The following CORIN variants were observed in gnomAD, a reference collection of about 807,000 sequenced individuals.
CORIN encodes corin, serine peptidase.
In CORIN, 117 loss-of-function variants were observed where a neutral mutation model predicts 125.3. The ratio of observed to expected loss-of-function variants is 0.93; its 90% CI spans 0.80 to 1.09. CORIN has a LOEUF of 1.09. Among genes scored for constraint, CORIN ranks in the 50% least tolerant of loss-of-function variants. The pLI, the probability that CORIN is intolerant of heterozygous loss-of-function variation, is 0.00. For synonymous variants in CORIN, 450 were observed against 466.4 expected (o/e 0.96, Z 0.45); for missense variants, 1,253 against 1,306.7 (o/e 0.96, Z 0.63).
intron 15 of CORIN, chr4:47,642,734 C>A: frequency 2.4e-6 from 2 of 832,116 alleles, no homozygotes; most frequent in Non-Finnish European, 3.6e-6. Flanking sequence ...AGGAGCTAGA[C>A]AGTTAGAAGT....
rs570661032 is a variant in CORIN, at chr4:47,729,856, GAA to G, written c.799+14544_799+14545del. 8.5e-4 allele frequency among the ~76,000 whole-genome samples: 130 copies of G among 152,306 alleles called. 4 individuals carry two copies. In the South Asian group the frequency reaches 0.025, roughly 30 times the overall value. On this transcript the variant is annotated intron_variant, in intron 5 of 21. Coordinates refer to ENST00000273857, the MANE Select transcript of CORIN (RefSeq NM_006587.4). The stretch of plus-strand genomic sequence containing the variant: ...AGTGAAAACGGAATAACTTGGCAGA[GAA>G]AGAGAGAAGAGAGAGGTTCGGCCAC...
chr4:47,706,639 A>G (rs1726573486), intron 5 of CORIN: 5 of 1,607,744 alleles, frequency 3.1e-6, no homozygotes, highest in Non-Finnish European at 4.3e-6. Context: ...TCATGGTGTT[A>G]ACCAGCTAAA....
intron 19 of CORIN, among the ~76,000 whole-genome samples, chr4:47,609,587 A>AT (rs33915844): frequency 0.043 from 6,427 of 150,898 alleles, 194 homozygotes; most frequent in Middle Eastern, 0.12. Context: ...AGGTAAACGG[A>AT]TTTTTTTTTT....
chr4:47,648,988 C>A (rs1176195406), intron 13 of CORIN, among the ~76,000 whole-genome samples: 1 of 152,220 alleles, frequency 6.6e-6, no homozygotes, highest in Non-Finnish European at 1.5e-5. Context: ...AGGGCTCTGC[C>A]TCTGCACCTG....
chr4:47,805,158 A>G (rs1157010327), intron 2 of CORIN, among the ~76,000 whole-genome samples: 1 of 149,052 alleles, frequency 6.7e-6, no homozygotes, highest in African/African-American at 2.5e-5. Flanking sequence ...AAATAATAAT[A>G]ATAATAATAA....
chr4:47,597,636 A>C (rs949097889), intron 21 of CORIN, among the ~76,000 whole-genome samples: 11 of 152,172 alleles, frequency 7.2e-5, no homozygotes, highest in African/African-American at 2.4e-4. Context: ...TTTCATATGC[A>C]TAGGGTATTT....
chr4:47,681,051 C>T (rs1399217812), intron 7 of CORIN: 1 of 152,188 alleles, frequency 6.6e-6, no homozygotes, highest in Non-Finnish European at 1.5e-5. Flanking sequence ...TTCGCTCTCA[C>T]AAAGGGCAGA....
intron 4 of CORIN, among the ~76,000 whole-genome samples, chr4:47,756,774 G>A (rs1244116043): frequency 6.6e-6 from 1 of 152,124 alleles, no homozygotes; most frequent in Non-Finnish European, 1.5e-5. Flanking sequence ...CTCACTTCAG[G>A]AGCATGGAAT....
intron 20 of CORIN, among the ~76,000 whole-genome samples, chr4:47,601,277 TAC>T (rs1721437822): frequency 6.6e-6 from 1 of 152,124 alleles, no homozygotes; most frequent in Non-Finnish European, 1.5e-5. Context: ...TTGAAAGTTA[TAC>T]AGTCAGATCA....
chr4:47,658,765 T>C (rs1331802758), intron 12 of CORIN, among the ~76,000 whole-genome samples: 1 of 152,238 alleles, frequency 6.6e-6, no homozygotes, highest in African/African-American at 2.4e-5. Flanking sequence ...CCCTTTTGGT[T>C]ATACAAATTT....
intron 6 of CORIN, among the ~76,000 whole-genome samples, chr4:47,688,007 C>T (rs1725594710): frequency 6.6e-6 from 1 of 152,144 alleles, no homozygotes; most frequent in Admixed American, 6.5e-5. Flanking sequence ...CTGGCCTCTA[C>T]CCACTAGATG....
At chr4:47,609,694 A>C (rs1721800602) in intron 19 of CORIN, among the ~76,000 whole-genome samples, 1 of 152,090 alleles carries the variant, frequency 6.6e-6, no homozygotes, top group African/African-American at 2.4e-5. Flanking sequence ...GCACAGATCA[A>C]CCCATCACCT....
intron 1 of CORIN, among the ~76,000 whole-genome samples, chr4:47,814,745 C>T (rs1306159066): frequency 6.6e-6 from 1 of 152,136 alleles, no homozygotes; most frequent in Non-Finnish European, 1.5e-5. Flanking sequence ...ATCCCATTTT[C>T]TGGCATGTAG....
chr4:47,637,178 G>A, intron 16 of CORIN, among the ~76,000 whole-genome samples: 1 of 152,164 alleles, frequency 6.6e-6, no homozygotes, highest in Non-Finnish European at 1.5e-5. Context: ...AGATGATTTA[G>A]GATATCTGGT....
intron 1 of CORIN, among the ~76,000 whole-genome samples, chr4:47,818,251 A>T (rs1200863528): frequency 6.6e-6 from 1 of 152,212 alleles, no homozygotes; most frequent in Non-Finnish European, 1.5e-5. Context: ...TTGAGTTTTG[A>T]GCAGGTAGGC....
At chr4:47,628,310 T>C (rs891570902) in intron 16 of CORIN, among the ~76,000 whole-genome samples, 6 of 152,156 alleles carry the variant, frequency 3.9e-5, no homozygotes, top group Non-Finnish European at 8.8e-5. Context: ...TCCAGCTTTA[T>C]TGAGGCATTC....
At chr4:47,696,437 C>T (rs1726009528) in intron 5 of CORIN, among the ~76,000 whole-genome samples, 1 of 152,020 alleles carries the variant, frequency 6.6e-6, no homozygotes, top group Admixed American at 6.5e-5. Context: ...ACTATTCTAG[C>T]CTCTGGTAAT....
At chr4:47,704,001 C>CA (rs1944069668) in intron 5 of CORIN, among the ~76,000 whole-genome samples, 1 of 152,146 alleles carries the variant, frequency 6.6e-6, no homozygotes, top group African/African-American at 2.4e-5. Flanking sequence ...AAAAGGAAGT[C>CA]AATTGCTTCA....
intron 19 of CORIN, among the ~76,000 whole-genome samples, chr4:47,623,117 TACAC>T (rs1553904959): frequency 3.0e-5 from 4 of 134,512 alleles, no homozygotes; most frequent in Non-Finnish European, 4.6e-5. Context: ...TATATATATA[TACAC>T]ACACACACAC....
Sources: gnomAD v4.1 joint callset for allele counts (sites outside exome capture counted in the v4.1 genomes callset) on GRCh38, gnomAD v4.1.1 for gene constraint, MANE v1.5 for transcripts, NCBI Gene and HGNC (gene_info 2026-07-23, HGNC 2026-07-21) for gene names.